The following USP13 variants were observed in gnomAD, a reference collection of about 807,000 sequenced individuals.
USP13 encodes ubiquitin specific peptidase 13.
A neutral mutation model predicts 107.8 loss-of-function variants in USP13; 68 were observed. The ratio of observed to expected loss-of-function variants is 0.63; its 90% CI spans 0.52 to 0.77. The LOEUF (loss-of-function observed/expected upper bound fraction) is 0.77. Ranked by LOEUF, USP13 falls within the 30% of genes least tolerant of loss-of-function variation. The probability of loss-of-function intolerance (pLI) is 0.00; values close to 1 mark genes in which losing one functional copy is unlikely to be tolerated. For missense variants in USP13, 945 were observed against 1,093.3 expected, an observed-to-expected ratio of 0.86 and a Z score of 1.91; for synonymous variants, 377 against 389.5, an observed-to-expected ratio of 0.97 and a Z score of 0.38.
intron 1 of USP13, among the ~76,000 whole-genome samples, chr3:179,666,758 C>T (rs186107576): frequency 1.4e-3 from 211 of 152,314 alleles, no homozygotes; most frequent in African/African-American, 4.8e-3. Flanking sequence ...AAAAGAGAAA[C>T]TGCTCTTTTC....
chr3:179,787,228 A>G lies in USP13; in HGVS notation c.*3087A>G, dbSNP rs1715936958. The G allele has an allele frequency of 1.3e-5, 2 of 152,198 alleles. No individual in the cohort carries two copies. The highest frequency in any genetic ancestry group is 1.3e-4 in the Admixed American group (2 of 15,284). The allele number at this position is 152,198 out of a possible 1,614,324, so 9.4% of individuals were successfully genotyped here. On this transcript the variant is annotated 3_prime_UTR_variant, in exon 21 of 21. Transcript: ENST00000263966. ...GCTCGAGCCTCTTGCTCCCTGAGTC[A>G]TTTATTCCCTTTACCTGAACAGAGC... is the stretch of plus-strand genomic sequence containing the variant.
At chr3:179,668,612 A>G (rs1423030967) in intron 1 of USP13, among the ~76,000 whole-genome samples, 2 of 151,920 alleles carry the variant, frequency 1.3e-5, no homozygotes. Context: ...GCTAGAGTGC[A>G]GTGGTGTGAT....
chr3:179,666,887 C>T (rs1466579720), intron 1 of USP13, among the ~76,000 whole-genome samples: 4 of 152,254 alleles, frequency 2.6e-5, no homozygotes. Flanking sequence ...CTGGCCTGGG[C>T]TCAAATCCAC....
chr3:179,730,844 G>T, intron 10 of USP13, 135 bp downstream of exon 10: 5 of 732,036 alleles, frequency 6.8e-6, no homozygotes, highest in Non-Finnish European at 9.0e-6. Flanking sequence ...CAGTGTCTAG[G>T]GTGCCTGTCT....
At chr3:179,669,941 A>G (rs1301317013) in intron 1 of USP13, among the ~76,000 whole-genome samples, 1 of 152,154 alleles carries the variant, frequency 6.6e-6, no homozygotes, top group Non-Finnish European at 1.5e-5. Flanking sequence ...GCTTCTGCCC[A>G]GTGTGCACCC....
At chr3:179,758,096 G>C (rs1714869072) in intron 16 of USP13, among the ~76,000 whole-genome samples, 1 of 152,064 alleles carries the variant, frequency 6.6e-6, no homozygotes, top group African/African-American at 2.4e-5. Flanking sequence ...TATAAAAAAG[G>C]TCCCATATCA....
chr3:179,730,351 A>G (rs994236063), intron 9 of USP13, 91 bp downstream of exon 9: 51 of 1,273,990 alleles, frequency 4.0e-5, no homozygotes, highest in Non-Finnish European at 5.6e-5. Context: ...AATTAAAGGC[A>G]ATTCTTCATG....
intron 1 of USP13, among the ~76,000 whole-genome samples, chr3:179,660,796 C>G (rs1560039401): frequency 6.6e-6 from 1 of 152,210 alleles, no homozygotes. Context: ...TCAGAGCAGA[C>G]AGACTTTTTT....
chr3:179,653,681 C>T lies in USP13; in HGVS notation c.168+288C>T, dbSNP rs1054917155. 1.5e-5 allele frequency: 6 copies of T among 409,008 alleles called. No homozygotes were observed. The highest frequency in any genetic ancestry group is 4.1e-5 in the Admixed American group (1 of 24,550). 25.3% of individuals were successfully genotyped at this position (409,008 alleles called of 1,614,324 possible). A position where few individuals can be genotyped will look rare whatever the true frequency, so the allele number is the denominator to read the frequency against. ...CCGCCGTTTAAAGATAGATGAAATA[C>T]AAGAGTTCCCTGTTCCGAACTGCAC... On this transcript the variant is annotated intron_variant, in intron 1 of 20. Transcript: ENST00000263966. The surrounding 1 kb of genome is among the most constrained non-coding windows in gnomAD (Gnocchi z 4.0).
chr3:179,754,590 C>T (rs1464365222), intron 14 of USP13, 142 bp from the exon 15 acceptor site: 1 of 1,146,896 alleles, frequency 8.7e-7, no homozygotes, highest in South Asian at 2.2e-5. Context: ...CTTCATGAAC[C>T]TGCTGGTCGA....
chr3:179,737,337 A>C (rs734778), intron 10 of USP13, among the ~76,000 whole-genome samples: 53,118 of 152,126 alleles, frequency 0.35, 11,304 homozygotes, highest in Non-Finnish European at 0.46. Context: ...TGGGTGAGTT[A>C]AGAAAAATAT....
At chr3:179,755,367 T>G (rs1714753788) in intron 15 of USP13, among the ~76,000 whole-genome samples, 1 of 152,124 alleles carries the variant, frequency 6.6e-6, no homozygotes, top group African/African-American at 2.4e-5. Context: ...CGATCTCGGC[T>G]CACTGCAACC....
intron 1 of USP13, 120 bp from the exon 2 acceptor site, chr3:179,681,758 C>T (rs1199053695): frequency 5.4e-6 from 7 of 1,290,830 alleles, no homozygotes; most frequent in Admixed American, 2.2e-5. Flanking sequence ...ACAGCAGGAG[C>T]CTCGGTGGCC....
At chr3:179,774,110 G>C (rs1028380150) in intron 19 of USP13, among the ~76,000 whole-genome samples, 3 of 152,224 alleles carry the variant, frequency 2.0e-5, no homozygotes, top group Admixed American at 6.5e-5. Context: ...ATGGAAGGCA[G>C]AGGAGGAGCA....
chr3:179,669,385 A>G (rs4637291), intron 1 of USP13, among the ~76,000 whole-genome samples: 115,667 of 151,892 alleles, frequency 0.76, 44,333 homozygotes, highest in East Asian at 0.85. Flanking sequence ...TCTTGAACTC[A>G]GGAGGCAGAG....
chr3:179,653,450 C>G lies in USP13; in HGVS notation c.168+57C>G. On this transcript the variant is annotated intron_variant, in intron 1 of 20. Coordinates refer to ENST00000263966, the MANE Select transcript of USP13 (RefSeq NM_003940.3). This position sits in a 1 kb window ranked among gnomAD's most constrained non-coding sequence, Gnocchi z 4.0. ...GGCCGGCGGCCTGCGGCACGTGAAG[C>G]CGGGGGAGAAGATGCGCAGTGGCGG... 2 of 1,524,712 alleles carry G rather than the reference C, an allele frequency of 1.3e-6. No individual in the cohort carries two copies. Among genetic ancestry groups the G allele is most frequent in the South Asian group, 2.4e-5 (2 of 82,368 alleles). The allele number at this position is 1,524,712 out of a possible 1,614,324, so 94.4% of individuals were successfully genotyped here.
At chr3:179,756,780 GA>G (rs1053998052) in intron 15 of USP13, among the ~76,000 whole-genome samples, 1 of 152,028 alleles carries the variant, frequency 6.6e-6, no homozygotes, top group African/African-American at 2.4e-5. Flanking sequence ...TTTTTTTAAA[GA>G]AAAAATAATA....
chr3:179,701,209 G>A (rs1435225833), intron 4 of USP13, 80 bp downstream of exon 4: 6 of 1,440,442 alleles, frequency 4.2e-6, no homozygotes, highest in Middle Eastern at 2.1e-4. Context: ...GTGTGTGTGC[G>A]GGGGTGGGGT....
intron 13 of USP13, among the ~76,000 whole-genome samples, chr3:179,748,060 A>G (rs1714472850): frequency 6.6e-6 from 1 of 152,204 alleles, no homozygotes; most frequent in Non-Finnish European, 1.5e-5. Context: ...TTTATTGCAC[A>G]TTTGTTATTG....
Sources: gnomAD v4.1 joint callset for allele counts (sites outside exome capture counted in the v4.1 genomes callset) on GRCh38, gnomAD v4.1.1 for gene constraint, Gnocchi (gnomAD v3.1) non-coding constraint, MANE v1.5 for transcripts, NCBI Gene and HGNC (gene_info 2026-07-23, HGNC 2026-07-21) for gene names.